SDK1: variants seen among roughly 807,000 people sequenced by gnomAD.
SDK1 encodes the protein protein sidekick-1.
A neutral mutation model predicts 245.5 loss-of-function variants in SDK1; 157 were observed. The observed-to-expected ratio is 0.64, with a 90% confidence interval of 0.56 to 0.73. SDK1 has a LOEUF of 0.73. SDK1 is among the 30% of genes least tolerant of loss of function. SDK1 has a pLI of 0.00. For missense variants in SDK1, 3,583 were observed against 3,002.3 expected (o/e 1.19, Z -4.52); for synonymous variants, 1,647 against 1,278.5 (o/e 1.29, Z -6.15).
intron 30 of SDK1, among the ~76,000 whole-genome samples, chr7:4,153,558 C>T (rs1468410062): frequency 6.6e-6 from 1 of 152,152 alleles, no homozygotes; most frequent in Non-Finnish European, 1.5e-5. Flanking sequence ...TGAACTCCAG[C>T]CTGGGCAACA....
intron 1 of SDK1, among the ~76,000 whole-genome samples, chr7:3,309,847 A>T (rs565550839): frequency 6.6e-6 from 1 of 152,308 alleles, no homozygotes; most frequent in South Asian, 2.1e-4. Flanking sequence ...CCTTGTAGGC[A>T]TATTCCCTTT....
chr7:3,528,877 C>T (rs1783244238), intron 1 of SDK1, among the ~76,000 whole-genome samples: 1 of 152,106 alleles, frequency 6.6e-6, no homozygotes, highest in Non-Finnish European at 1.5e-5. Flanking sequence ...TTTTTATGGG[C>T]TCTTCCTGAT....
intron 1 of SDK1, among the ~76,000 whole-genome samples, chr7:3,442,714 G>A (rs937442843): frequency 1.5e-4 from 23 of 152,134 alleles, no homozygotes; most frequent in African/African-American, 5.1e-4. Context: ...CAAGTTTAGT[G>A]CACTTGATAT....
chr7:4,222,403 T>C (rs1032968707), intron 40 of SDK1, among the ~76,000 whole-genome samples: 3 of 152,176 alleles, frequency 2.0e-5, no homozygotes, highest in Admixed American at 6.5e-5. Flanking sequence ...CAAGCAATTC[T>C]CCTGCCTCAG....
intron 1 of SDK1, among the ~76,000 whole-genome samples, chr7:3,304,505 C>G (rs1027251075): frequency 7.9e-5 from 12 of 152,196 alleles, no homozygotes; most frequent in African/African-American, 2.9e-4. Flanking sequence ...TTGCATTCCT[C>G]AGGCCTAGAA....
chr7:4,079,714 G>A, intron 22 of SDK1, 130 bp downstream of exon 22: 1 of 1,332,312 alleles, frequency 7.5e-7, no homozygotes, highest in Non-Finnish European at 1.0e-6. Flanking sequence ...GGGAGAACCA[G>A]GGGCTGGAGA....
At chr7:3,326,386 G>T (rs565368446) in intron 1 of SDK1, among the ~76,000 whole-genome samples, 5 of 152,172 alleles carry the variant, frequency 3.3e-5, no homozygotes, top group African/African-American at 1.2e-4. Context: ...TTCAATGGAT[G>T]TATGCTCTTC....
intron 38 of SDK1, among the ~76,000 whole-genome samples, chr7:4,219,138 CTTGCAGTG>C (rs1784998892): frequency 6.6e-6 from 1 of 152,176 alleles, no homozygotes; most frequent in Non-Finnish European, 1.5e-5. Context: ...GGCATCAATA[CTTGCAGTG>C]AAATTAATTA....
At chr7:4,078,186 A>G (rs1780819275) in intron 21 of SDK1, among the ~76,000 whole-genome samples, 1 of 152,128 alleles carries the variant, frequency 6.6e-6, no homozygotes. Flanking sequence ...CTGTTCCGTC[A>G]TTGCCAAGGC....
chr7:3,929,282 C>T (rs1390069074), intron 5 of SDK1, among the ~76,000 whole-genome samples: 1 of 152,188 alleles, frequency 6.6e-6, no homozygotes, highest in Non-Finnish European at 1.5e-5. Context: ...CTACAGATTC[C>T]TCGGTGTGTT....
Position 3,630,400 on chromosome 7 carries a change from C to G in SDK1, c.459-8604C>G, listed in dbSNP as rs193172274. Among the ~76,000 whole-genome samples the G allele has an allele frequency of 4.6e-5, 7 of 152,238 alleles. No homozygotes were observed. The East Asian group carries it at 9.6e-4, about 21-fold the overall frequency. On this transcript the variant is annotated intron_variant, in intron 2 of 44. Transcript: ENST00000404826. ...CTGATAAGTGAGTTTAGCAACATTA[C>G]AAGATAGAAGATCAACATATAAGAA...
At chr7:3,758,172 A>G (rs989204885) in intron 4 of SDK1, among the ~76,000 whole-genome samples, 4 of 152,222 alleles carry the variant, frequency 2.6e-5, no homozygotes, top group Non-Finnish European at 5.9e-5. Context: ...TGTACTTAAT[A>G]AATATTCTGA....
At chr7:3,781,904 G>C (rs1383224737) in intron 4 of SDK1, among the ~76,000 whole-genome samples, 2 of 152,076 alleles carry the variant, frequency 1.3e-5, no homozygotes, top group African/African-American at 4.8e-5. Context: ...AATGAAGAAA[G>C]CCTATGAGAG....
chr7:3,563,296 C>A (rs1779807344), intron 1 of SDK1, among the ~76,000 whole-genome samples: 1 of 152,030 alleles, frequency 6.6e-6, no homozygotes, highest in South Asian at 2.1e-4. Context: ...AACGTATATT[C>A]CTGGATTATC....
chr7:3,794,612 C>A (rs1189329111), intron 4 of SDK1, among the ~76,000 whole-genome samples: 1 of 152,166 alleles, frequency 6.6e-6, no homozygotes, highest in Non-Finnish European at 1.5e-5. Flanking sequence ...CCTCAACCCC[C>A]TTGCCATGTC....
intron 1 of SDK1, among the ~76,000 whole-genome samples, chr7:3,578,423 C>G (rs1780371885): frequency 6.6e-6 from 1 of 152,030 alleles, no homozygotes; most frequent in African/African-American, 2.4e-5. Flanking sequence ...CTATGTTCAG[C>G]TGTGCACGTA....
At chr7:3,642,195 C>G (rs1168882402) in intron 4 of SDK1, 90 bp downstream of exon 4, 1 of 1,299,858 alleles carries the variant, frequency 7.7e-7, no homozygotes, top group Non-Finnish European at 1.1e-6. Flanking sequence ...ATTAAGGTTA[C>G]CGATGATTTA....
At chr7:3,657,850 G>C (rs1362737424) in intron 4 of SDK1, among the ~76,000 whole-genome samples, 1 of 152,188 alleles carries the variant, frequency 6.6e-6, no homozygotes, top group East Asian at 1.9e-4. Context: ...GACTGCAGGG[G>C]GAAAGAAAGT....
intron 1 of SDK1, among the ~76,000 whole-genome samples, chr7:3,497,436 T>A (rs1428946581): frequency 1.3e-5 from 2 of 152,248 alleles, no homozygotes; most frequent in Admixed American, 1.3e-4. Context: ...CAGACATCAT[T>A]GCGTCTTTAT....
Sources: gnomAD v4.1 joint callset for allele counts (sites outside exome capture counted in the v4.1 genomes callset) on GRCh38, gnomAD v4.1.1 for gene constraint, MANE v1.5 for transcripts, NCBI Gene and HGNC (gene_info 2026-07-23, HGNC 2026-07-21) for gene names.